SERPINA1: variants seen among roughly 807,000 people sequenced by gnomAD.
SERPINA1 encodes serpin family A member 1.
A neutral mutation model predicts 25.4 loss-of-function variants in SERPINA1; 21 were observed. The observed-to-expected ratio is 0.83, with a 90% CI of 0.59 to 1.19. The LOEUF (loss-of-function observed/expected upper bound fraction) is 1.19, where lower values mean the gene tolerates loss of function less well. SERPINA1 is among the 50% of genes most tolerant of loss of function. SERPINA1 has a pLI of 0.00. For missense variants in SERPINA1, 546 were observed against 509.0 expected (o/e 1.07, Z -0.70); for synonymous variants, 218 against 211.1 (o/e 1.03, Z -0.29).
At chr14:94,381,632 C>A (rs1470456455) in intron 2 of SERPINA1, among the ~76,000 whole-genome samples, 4 of 152,342 alleles carry the variant, frequency 2.6e-5, no homozygotes, top group African/African-American at 9.6e-5. Context: ...GCCTGAGCAG[C>A]CTCCCCTCTG....
rs575123943 is a variant in SERPINA1, at chr14:94,381,031, T to G, written c.757A>C (p.Ile253Leu). The G allele has an allele frequency of 3.0e-5, 48 of 1,614,078 alleles. No homozygotes were observed. In the East Asian group the frequency reaches 4.9e-4, roughly 16 times the overall value. The stretch of plus-strand genomic sequence containing the variant: ...CTGGACAGCTTCTTACAGTGCTGGA[T>G]GTTAAACATGCCTAAACGCTTCATC... The part of the protein sequence containing the change: ...PMMKRLGMFN[I>L]QHCKKLSSWV... Residue 253 changes from isoleucine to leucine, a missense_variant, in exon 3 of 5, where the codon ATC (isoleucine) becomes CTC (leucine). Physicochemically the swap from Ile to Leu is conservative, Grantham distance 5. Coordinates refer to ENST00000393087, the MANE Select transcript of SERPINA1 (RefSeq NM_000295.5).
rs1896515133 is a variant in SERPINA1, at chr14:94,378,380, A to C, written c.*69T>G. The C allele has an allele frequency of 5.9e-6, 8 of 1,359,608 alleles. No homozygotes were observed. The highest frequency in any genetic ancestry group is 7.4e-6 in the Non-Finnish European group (7 of 949,234). The allele number at this position is 1,359,608 out of a possible 1,614,324, so 84.2% of individuals were successfully genotyped here. A position where few individuals can be genotyped will look rare whatever the true frequency, so the allele number is the denominator to read the frequency against. On this transcript the variant is annotated 3_prime_UTR_variant, in exon 5 of 5. Transcript: ENST00000393087. Reference sequence around the variant, plus strand: ...GTCACATGCAGGCAGGGACCAGCTCAACCCTTCTTTAATGTCATCCAGGGA... The same window carrying C: ...GTCACATGCAGGCAGGGACCAGCTCCACCCTTCTTTAATGTCATCCAGGGA...
At position 94,379,532 on chromosome 14, in the gene SERPINA1, T is replaced by A. The variant is rs1896695513; in HGVS notation, c.997A>T (p.Thr333Ser). The A allele has an allele frequency of 2.5e-6, 4 of 1,614,012 alleles. No individual in the cohort carries two copies. Among genetic ancestry groups the A allele is most frequent in the East Asian group, 2.2e-5 (1 of 44,858 alleles). The change falls in exon 4 of 5, where the codon ACT becomes TCT. Residue 333 changes from threonine (T) to serine (S), a missense_variant. Thr to Ser is a moderately conservative substitution (Grantham distance 58). Coordinates refer to ENST00000393087, the MANE Select transcript of SERPINA1 (RefSeq NM_000295.5). ...LKSVLGQLGI[T>S]KVFSNGADLS... ...TCAGCCCCATTGCTGAAGACCTTAG[T>A]GATGCCCAGTTGACCCAGGACGCTC...
Position 94,379,472 on chromosome 14 carries a change from G to C in SERPINA1, c.1057C>G (p.Leu353Val). Residue 353 changes from leucine (L) to valine (V), a missense_variant, in exon 4 of 5, where the codon CTC becomes GTC. By Grantham distance (32) the Leu-to-Val change is conservative. Coordinates refer to ENST00000393087, the MANE Select transcript of SERPINA1 (RefSeq NM_000295.5). ...CGTCAGGGTGATCTCACCTTGGAGA[G>C]CTTCAGGGGTGCCTCCTCTGTGACC... is the stretch of plus-strand genomic sequence containing the variant. Reference protein sequence around the residue: ...SGVTEEAPLKLSKAVHKAVLT... With the variant: ...SGVTEEAPLKVSKAVHKAVLT... 2 of 1,614,232 alleles carry C rather than the reference G, an allele frequency of 1.2e-6. No individual in the cohort carries two copies. The highest frequency in any genetic ancestry group is 1.7e-6 in the Non-Finnish European group (2 of 1,180,052).
chr14:94,385,748 G>A (rs895481469), intron 1 of SERPINA1, among the ~76,000 whole-genome samples: 1 of 152,228 alleles, frequency 6.6e-6, no homozygotes, highest in Non-Finnish European at 1.5e-5. Flanking sequence ...AGGAGGTGGA[G>A]AGGCTGGTGC....
chr14:94,382,052 A>C (rs1270866454), intron 2 of SERPINA1, among the ~76,000 whole-genome samples: 1 of 152,296 alleles, frequency 6.6e-6, no homozygotes, highest in East Asian at 1.9e-4. Flanking sequence ...CCATCCCCAC[A>C]GTCTTTGTCA....
At chr14:94,384,998 C>T (rs1020458876) in intron 1 of SERPINA1, among the ~76,000 whole-genome samples, 5 of 152,214 alleles carry the variant, frequency 3.3e-5, no homozygotes, top group African/African-American at 9.7e-5. Context: ...GAACTAAAGA[C>T]GGTGCTAAAA....
Position 94,378,363 on chromosome 14 carries a change from C to A in SERPINA1, c.*86G>T. ...CATGGGAGGGATTTACAGTCACATGCAGGCAGGGACCAGCTCAACCCTTCT... is the reference window on the plus strand; with the variant it reads ...CATGGGAGGGATTTACAGTCACATGAAGGCAGGGACCAGCTCAACCCTTCT... On this transcript the variant is annotated 3_prime_UTR_variant, in exon 5 of 5. Transcript: ENST00000393087. 3 of 1,155,668 alleles carry A rather than the reference C, an allele frequency of 2.6e-6. No individual in the cohort carries two copies. Among genetic ancestry groups the A allele is most frequent in the Non-Finnish European group, 3.9e-6 (3 of 767,954 alleles). 71.6% of individuals were successfully genotyped at this position (1,155,668 alleles called of 1,614,324 possible). A position where few individuals can be genotyped will look rare whatever the true frequency, so the allele number is the denominator to read the frequency against.
chr14:94,376,833 CA>C lies in SERPINA1; in HGVS notation c.*1615del, dbSNP rs1566744377. On this transcript the variant is annotated 3_prime_UTR_variant, in exon 5 of 5. Coordinates refer to ENST00000393087, the MANE Select transcript of SERPINA1 (RefSeq NM_000295.5). ...CTTGAACATCATACCAACTCAAAGG[CA>C]GGTCTTACTAGCAATGACTGGGGCT... The C allele has an allele frequency of 6.6e-6, 1 of 152,172 alleles. No homozygotes were observed. The highest frequency in any genetic ancestry group is 1.5e-5 in the Non-Finnish European group (1 of 68,036). 9.4% of individuals were successfully genotyped at this position (152,172 alleles called of 1,614,324 possible).
Position 94,378,571 on chromosome 14 carries a change from C to T in SERPINA1, c.1135G>A (p.Ala379Thr), listed in dbSNP as rs773275051. Residue 379 changes from alanine to threonine, a missense_variant, in exon 5 of 5, where the codon GCC becomes ACC. By Grantham distance (58) the Ala-to-Thr change is moderately conservative. Transcript: ENST00000393087. ...TEAAGAMFLE[A>T]IPMSIPPEVK... ...TCGGGGGGGATAGACATGGGTATGG[C>T]CTCTAAAAACATGGCCCCAGCAGCT... 1.9e-6 allele frequency: 3 copies of T among 1,614,076 alleles called. No individual in the cohort carries two copies. The highest frequency in any genetic ancestry group is 2.5e-6 in the Non-Finnish European group (3 of 1,180,004).
intron 1 of SERPINA1, among the ~76,000 whole-genome samples, chr14:94,386,065 G>A (rs1469174244): frequency 6.6e-6 from 1 of 152,184 alleles, no homozygotes; most frequent in Non-Finnish European, 1.5e-5. Flanking sequence ...TGCCTCCCAA[G>A]CTGTTCCTTA....
intron 1 of SERPINA1, among the ~76,000 whole-genome samples, chr14:94,387,880 G>T (rs531827746): frequency 6.6e-6 from 1 of 152,100 alleles, no homozygotes; most frequent in Non-Finnish European, 1.5e-5. Flanking sequence ...GGTGCAGAGC[G>T]ATTATTCAGG....
intron 1 of SERPINA1, among the ~76,000 whole-genome samples, chr14:94,387,471 G>A (rs1297689865): frequency 1.3e-5 from 2 of 152,212 alleles, no homozygotes; most frequent in Non-Finnish European, 2.9e-5. Flanking sequence ...AAAACTCAGT[G>A]CAGGAAAAAT....
At chr14:94,387,193 C>A (rs372423408) in intron 1 of SERPINA1, among the ~76,000 whole-genome samples, 2 of 152,204 alleles carry the variant, frequency 1.3e-5, no homozygotes, top group African/African-American at 4.8e-5. Context: ...GGCTCTGAGG[C>A]CAGATTGCTC....
chr14:94,385,933 A>G (rs1407907641), intron 1 of SERPINA1, among the ~76,000 whole-genome samples: 1 of 152,216 alleles, frequency 6.6e-6, no homozygotes, highest in Non-Finnish European at 1.5e-5. Flanking sequence ...CAAAGCTGGA[A>G]CAAGTCTTGG....
intron 1 of SERPINA1, chr14:94,383,485 C>G (rs533474437): frequency 1.7e-6 from 1 of 573,530 alleles, no homozygotes; most frequent in African/African-American, 1.9e-5. Flanking sequence ...GTAACAATCC[C>G]GTGAGGTGCT....
intron 2 of SERPINA1, among the ~76,000 whole-genome samples, chr14:94,382,243 G>T (rs1896977834): frequency 6.6e-6 from 1 of 152,208 alleles, no homozygotes; most frequent in Admixed American, 6.5e-5. Context: ...GGACACTAGA[G>T]TCGTGTAAAG....
rs1395399456 is a variant in SERPINA1 at position 94,378,095 on chromosome 14, T to G, written c.*354A>C. 3.3e-6 allele frequency: 1 copy of G among 299,218 alleles called. No individual in the cohort carries two copies. The highest frequency in any genetic ancestry group is 6.3e-6 in the Non-Finnish European group (1 of 158,860). The allele number at this position is 299,218 out of a possible 1,614,324, so 18.5% of individuals were successfully genotyped here. ...TGGTGGAGCCTGGGGTCATGGCTGG[T>G]ATCTGGTTCCTCCCCTGTGATTCCT... On this transcript the variant is annotated 3_prime_UTR_variant, in exon 5 of 5. Transcript: ENST00000393087.
intron 1 of SERPINA1, 140 bp from the exon 2 acceptor site, chr14:94,383,381 T>A (rs1043818477): frequency 2.4e-6 from 2 of 840,956 alleles, no homozygotes; most frequent in Non-Finnish European, 3.7e-6. Flanking sequence ...TCAGTAACAC[T>A]GAAAGAATCA....
Sources: allele counts gnomAD v4.1 joint callset (sites outside exome capture counted in the v4.1 genomes callset), GRCh38; gene constraint gnomAD v4.1.1; transcripts MANE v1.5; gene names NCBI Gene and HGNC (gene_info 2026-07-23, HGNC 2026-07-21).